TMEM17: variants seen among roughly 807,000 people sequenced by gnomAD.
TMEM17 encodes transmembrane protein 17.
TMEM17 carries 15 observed loss-of-function variants against 19.1 expected under a neutral mutation model. That is an observed-to-expected ratio of 0.78 (90% CI 0.52 to 1.21). TMEM17 has a LOEUF of 1.21. Among genes scored for constraint, TMEM17 ranks in the 50% most tolerant of loss-of-function variants. The pLI is 0.00. For synonymous variants in TMEM17, 103 were observed against 86.9 expected (o/e 1.19, Z -1.03); for missense variants, 245 against 242.3 (o/e 1.01, Z -0.07).
At chr2:62,480,942 T>G in the TMEM17 span, among the ~76,000 whole-genome samples, 1 of 152,202 alleles carries the variant, frequency 6.6e-6, no homozygotes, top group South Asian at 2.1e-4. Flanking sequence ...TTTTTTCCAT[T>G]TCTGTGGAGT....
intron 1 of TMEM17, 142 bp from the exon 2 acceptor site, chr2:62,502,936 T>C (rs1679971658): frequency 2.3e-6 from 1 of 425,858 alleles, no homozygotes; most frequent in Admixed American, 4.3e-5. Context: ...TCATTGACAG[T>C]AAAAGGAATA....
the TMEM17 span, among the ~76,000 whole-genome samples, chr2:62,478,759 T>TAAA: frequency 6.7e-6 from 1 of 149,330 alleles, no homozygotes; most frequent in African/African-American, 2.5e-5. Context: ...TTTCTTTATT[T>TAAA]AAAAAAAAAA....
rs749029583 is a variant in TMEM17, at chr2:62,502,778, G to A, written c.117C>T (p.Ser39=). 1 of 1,601,604 alleles carries A rather than the reference G, an allele frequency of 6.2e-7. No individual in the cohort carries two copies. The highest frequency in any genetic ancestry group is 8.5e-7 in the Non-Finnish European group (1 of 1,175,758). The change falls in exon 2 of 4, where the codon TCC becomes TCT. Residue 39 remains serine, a synonymous_variant. Transcript: ENST00000335390. Reference sequence around the variant, plus strand: ...AAAGTGACATCTGCAGTGCCAAACTGGAGACCATTTCATTTTCTACAGAAG... The same window carrying A: ...AAAGTGACATCTGCAGTGCCAAACTAGAGACCATTTCATTTTCTACAGAAG... ...SNEGPENEMV[S]SLALQMSLYF...
Position 62,501,410 on chromosome 2 carries a change from T to G in TMEM17, c.396A>C (p.Glu132Asp). The change falls in exon 4 of 4, where the codon GAA becomes GAC. Residue 132 changes from glutamate to aspartate, a missense_variant. Coordinates refer to ENST00000335390, the MANE Select transcript of TMEM17 (RefSeq NM_198276.3). ...LPLILFLLFNEGLTNLPLEKA... is the reference protein window; with the variant it reads ...LPLILFLLFNDGLTNLPLEKA... Reference sequence around the variant, plus strand: ...TTTCCAAGGGCAGATTTGTTAGGCCTTCATTAAAGAGCAAGAAAAGAATTA... The same window carrying G: ...TTTCCAAGGGCAGATTTGTTAGGCCGTCATTAAAGAGCAAGAAAAGAATTA... 1 of 1,614,164 alleles carries G rather than the reference T, an allele frequency of 6.2e-7. No individual in the cohort carries two copies. The highest frequency in any genetic ancestry group is 8.5e-7 in the Non-Finnish European group (1 of 1,180,030).
intron 3 of TMEM17, chr2:62,501,854 A>G (rs1311315247): frequency 5.3e-6 from 1 of 186,994 alleles, no homozygotes; most frequent in Admixed American, 5.5e-5. Context: ...AACACGTGAA[A>G]TTAGCATGAT....
the TMEM17 span, among the ~76,000 whole-genome samples, chr2:62,468,554 A>C: frequency 2.0e-5 from 3 of 152,170 alleles, no homozygotes; most frequent in Non-Finnish European, 2.9e-5. Context: ...GCTAGATAGA[A>C]CTGTGTGTAT....
At chr2:62,462,047 C>T in the TMEM17 span, among the ~76,000 whole-genome samples, 1 of 152,200 alleles carries the variant, frequency 6.6e-6, no homozygotes, top group African/African-American at 2.4e-5. Flanking sequence ...GCAGCTGGCC[C>T]CTGGAGGCTG....
the TMEM17 span, among the ~76,000 whole-genome samples, chr2:62,460,224 G>C: frequency 6.6e-6 from 1 of 152,218 alleles, no homozygotes. Context: ...AAACCAATGG[G>C]TAGGAATGAC....
chr2:62,501,213 ATC>A lies in TMEM17; in HGVS notation c.591_592del (p.Glu197AspfsTer7), dbSNP rs1470134304. ...TTTTCACTCAACAACACTGGATCAG[ATC>A]TCTTCTATACATGACCTCATCCTTC... On this transcript the variant is annotated frameshift_variant, in exon 4 of 4. Coordinates refer to ENST00000335390, the MANE Select transcript of TMEM17 (RefSeq NM_198276.3). LOFTEE classifies it high-confidence loss of function. The A allele has an allele frequency of 7.4e-6, 12 of 1,613,266 alleles. No homozygotes were observed. In the Admixed American group the frequency reaches 1.5e-4, roughly 20 times the overall value.
the TMEM17 span, among the ~76,000 whole-genome samples, chr2:62,483,926 T>C: frequency 6.6e-6 from 1 of 152,082 alleles, no homozygotes; most frequent in African/African-American, 2.4e-5. Context: ...AAAGTGTTCC[T>C]TCCCATTCCA....
chr2:62,469,582 T>C, the TMEM17 span, among the ~76,000 whole-genome samples: 1 of 152,244 alleles, frequency 6.6e-6, no homozygotes, highest in African/African-American at 2.4e-5. Context: ...AAACAAACAT[T>C]TACAGTTGTT....
chr2:62,479,870 G>A, the TMEM17 span, among the ~76,000 whole-genome samples: 2 of 124,316 alleles, frequency 1.6e-5, no homozygotes, highest in South Asian at 2.7e-4. Flanking sequence ...GTGAGTTAGT[G>A]ACAGAGTGAG....
At chr2:62,502,217 A>G in intron 3 of TMEM17, 1 of 350,338 alleles carries the variant, frequency 2.9e-6, no homozygotes, top group Admixed American at 4.2e-5. Context: ...CTTAATCACA[A>G]CAAACCTGTG....
intron 2 of TMEM17, 42 bp from the exon 3 acceptor site, chr2:62,502,592 A>G (rs772261777): frequency 2.0e-5 from 30 of 1,470,950 alleles, no homozygotes; most frequent in Non-Finnish European, 2.4e-5. Flanking sequence ...TCTCATGTAT[A>G]GTAACATTGA....
the TMEM17 span, among the ~76,000 whole-genome samples, chr2:62,464,266 G>A: frequency 6.6e-6 from 1 of 152,254 alleles, no homozygotes; most frequent in Non-Finnish European, 1.5e-5. Flanking sequence ...AAAGAGCACT[G>A]TAACACGCCC....
In TMEM17 at chr2:62,500,680, T is replaced by C. The variant is rs1342296841; in HGVS notation, c.*529A>G. ...GTGTTAGCCAGGATGGTCTCGATCT[T>C]CTGACCTCATGATCTGCCCACCTCG... On this transcript the variant is annotated 3_prime_UTR_variant, in exon 4 of 4. Transcript: ENST00000335390. 1 of 152,140 alleles carries C rather than the reference T, an allele frequency of 6.6e-6. No homozygotes were observed. Among genetic ancestry groups the C allele is most frequent in the Non-Finnish European group, 1.5e-5 (1 of 68,124 alleles). 9.4% of individuals were successfully genotyped at this position (152,140 alleles called of 1,614,324 possible). A position where few individuals can be genotyped will look rare whatever the true frequency, so the allele number is the denominator to read the frequency against.
the TMEM17 span, among the ~76,000 whole-genome samples, chr2:62,486,668 GAA>G: frequency 2.0e-5 from 3 of 152,178 alleles, no homozygotes; most frequent in African/African-American, 7.2e-5. Flanking sequence ...TAGAGGGAAT[GAA>G]AAGAGACAAA....
the TMEM17 span, among the ~76,000 whole-genome samples, chr2:62,460,941 G>A: frequency 6.6e-6 from 1 of 152,206 alleles, no homozygotes; most frequent in Non-Finnish European, 1.5e-5. Flanking sequence ...TAACAAGGTT[G>A]TAGAGGAAAA....
At chr2:62,489,552 A>G in the TMEM17 span, among the ~76,000 whole-genome samples, 1 of 152,314 alleles carries the variant, frequency 6.6e-6, no homozygotes, top group African/African-American at 2.4e-5. Context: ...TCTTCAATCC[A>G]TATGCTTATT....
Sources: gnomAD v4.1 joint callset for allele counts (sites outside exome capture counted in the v4.1 genomes callset) on GRCh38, gnomAD v4.1.1 for gene constraint, MANE v1.5 for transcripts, NCBI Gene and HGNC (gene_info 2026-07-23, HGNC 2026-07-21) for gene names.